The following LIAS variants were observed in gnomAD, a reference collection of about 807,000 sequenced individuals.
LIAS encodes the protein lipoic acid synthetase.
LIAS carries 36 observed loss-of-function variants against 49.4 expected under a neutral mutation model. That is an observed-to-expected ratio of 0.73 (90% CI 0.56 to 0.96). The LOEUF (loss-of-function observed/expected upper bound fraction) is 0.96. Among genes scored for constraint, LIAS ranks in the 40% least tolerant of loss-of-function variants. The pLI, the probability that LIAS is intolerant of heterozygous loss-of-function variation, is 0.00. For missense variants in LIAS, 399 were observed against 456.3 expected (o/e 0.87, Z 1.14); for synonymous variants, 145 against 155.8 (o/e 0.93, Z 0.52).
chr4:39,468,546 A>G (rs1056076579), intron 7 of LIAS: 6 of 144,320 alleles, frequency 4.2e-5, no homozygotes, highest in South Asian at 2.1e-4. Flanking sequence ...ATATATTCAT[A>G]TATATTTATA....
chr4:39,471,323 T>G lies in LIAS; in HGVS notation c.954+17T>G. On this transcript the variant is annotated intron_variant, in intron 9 of 10. Coordinates refer to ENST00000640888, the MANE Select transcript of LIAS (RefSeq NM_006859.4). The stretch of plus-strand genomic sequence containing the variant: ...CACCTTAAGGTACATGTATCTTGAT[T>G]TGCTTTTTTTTTTTTTTTTTATTTT... 1 of 1,547,416 alleles carries G rather than the reference T, an allele frequency of 6.5e-7. No individual in the cohort carries two copies. The highest frequency in any genetic ancestry group is 8.7e-7 in the Non-Finnish European group (1 of 1,146,746).
chr4:39,467,457 T>G, intron 6 of LIAS, 61 bp from the exon 7 acceptor site: 1 of 1,466,992 alleles, frequency 6.8e-7, no homozygotes, highest in African/African-American at 1.4e-5. Context: ...TAATTTCTAT[T>G]TTGAGGAACA....
chr4:39,472,205 A>T (rs1261878916), intron 9 of LIAS, among the ~76,000 whole-genome samples: 1 of 152,128 alleles, frequency 6.6e-6, no homozygotes. Flanking sequence ...TTTTGAAGAA[A>T]ATCATAAGGA....
intron 3 of LIAS, among the ~76,000 whole-genome samples, chr4:39,463,187 G>C (rs1744607370): frequency 6.6e-6 from 1 of 150,984 alleles, no homozygotes; most frequent in Non-Finnish European, 1.5e-5. Context: ...CCAGGCTCAA[G>C]TGATCCTCTC....
In LIAS at chr4:39,462,203, C is replaced by G; in HGVS notation, c.226C>G (p.Leu76Val). ...LKRQKGERLR[L>V]PPWLKTEIPM... ...ATGTTTGGCTTTCCTTAGGTTAAGACTACCTCCATGGCTAAAGACAGAGAT... is the reference window on the plus strand; with the variant it reads ...ATGTTTGGCTTTCCTTAGGTTAAGAGTACCTCCATGGCTAAAGACAGAGAT... The change falls in exon 3 of 11, where the codon CTA becomes GTA. Residue 76 changes from leucine to valine, a missense_variant. By Grantham distance (32) the Leu-to-Val change is conservative. Transcript: ENST00000640888. The G allele has an allele frequency of 6.5e-7, 1 of 1,529,564 alleles. No individual in the cohort carries two copies. Among genetic ancestry groups the G allele is most frequent in the Non-Finnish European group, 8.8e-7 (1 of 1,134,710 alleles). 94.7% of individuals were successfully genotyped at this position (1,529,564 alleles called of 1,614,324 possible).
chr4:39,460,940 C>T lies in LIAS; in HGVS notation c.196C>T (p.Leu66=). The T allele has an allele frequency of 6.3e-7, 1 of 1,596,130 alleles. No individual in the cohort carries two copies. Among genetic ancestry groups the T allele is most frequent in the Non-Finnish European group, 8.5e-7 (1 of 1,173,936 alleles). Reference sequence around the variant, plus strand: ...CACCTGGGATGAATATAAAGGAAACCTAAAACGCCAGAAAGGAGAAAGGTA... The same window carrying T: ...CACCTGGGATGAATATAAAGGAAACTTAAAACGCCAGAAAGGAGAAAGGTA... ...RSTWDEYKGN[L]KRQKGERLRL... The change falls in exon 2 of 11, where the codon CTA becomes TTA. Residue 66 remains leucine, a synonymous_variant. Transcript: ENST00000640888.
In LIAS at chr4:39,465,668, ATT is replaced by A. The variant is rs33977702; in HGVS notation, c.608+340_608+341del. On this transcript the variant is annotated intron_variant, in intron 6 of 10. Transcript: ENST00000640888. ...TATAAACCTGGTCTTCTTAGTAATG[ATT>A]TTTTTTTTTTTTTGAGATGGAGTCT... 2.0e-3 allele frequency among the ~76,000 whole-genome samples: 296 copies of A among 146,276 alleles called. 2 individuals carry two copies. The highest frequency in any genetic ancestry group is 6.1e-3 in the African/African-American group (241 of 39,702).
At chr4:39,470,704 G>A (rs1578242383) in intron 8 of LIAS, 1 of 157,120 alleles carries the variant, frequency 6.4e-6, no homozygotes, top group Admixed American at 6.0e-5. Context: ...AGGACCCTTG[G>A]ACTACTTGTA....
intron 3 of LIAS, 71 bp downstream of exon 3, chr4:39,462,360 T>G: frequency 1.9e-6 from 1 of 519,328 alleles, no homozygotes; most frequent in South Asian, 3.8e-5. Flanking sequence ...AACTTAAAAA[T>G]TATTAATAAA....
chr4:39,467,735 T>C, intron 7 of LIAS, 89 bp downstream of exon 7: 1 of 1,268,540 alleles, frequency 7.9e-7, no homozygotes, highest in South Asian at 2.5e-5. Context: ...AACTTTGCCA[T>C]TGACTTTTAC....
intron 7 of LIAS, chr4:39,468,887 GAAA>G (rs1302404918): frequency 8.2e-6 from 1 of 121,924 alleles, no homozygotes; most frequent in South Asian, 3.0e-4. Flanking sequence ...AAAAAAAAAA[GAAA>G]AAAACTCATA....
At position 39,460,956 on chromosome 4, in the gene LIAS, G is replaced by C; in HGVS notation, c.212G>C (p.Gly71Ala). The C allele has an allele frequency of 6.3e-7, 1 of 1,584,854 alleles. No individual in the cohort carries two copies. The change falls in exon 2 of 11, where the codon GGA becomes GCA. Residue 71 changes from glycine (G) to alanine (A), a missense_variant. Physicochemically the swap from Gly to Ala is moderately conservative, Grantham distance 60 (BLOSUM62 0). Transcript: ENST00000640888. ...AAAGGAAACCTAAAACGCCAGAAAG[G>C]AGAAAGGTAATTGAAAATTTGAGAT... is the stretch of plus-strand genomic sequence containing the variant. The part of the protein sequence containing the change: ...EYKGNLKRQK[G>A]ERLRLPPWLK...
intron 8 of LIAS, 116 bp from the exon 9 acceptor site, chr4:39,471,120 T>C (rs1230350635): frequency 1.1e-5 from 8 of 711,614 alleles, no homozygotes; most frequent in African/African-American, 1.8e-5. Context: ...TTCCCCAACA[T>C]GAAGATTATG....
chr4:39,471,587 G>A (rs2109885479), intron 9 of LIAS, among the ~76,000 whole-genome samples: 1 of 143,318 alleles, frequency 7.0e-6, no homozygotes, highest in East Asian at 2.0e-4. Context: ...AGTGCAGTGG[G>A]GCAATCTCGG....
chr4:39,467,110 G>C (rs1020529624), intron 6 of LIAS: 1 of 152,132 alleles, frequency 6.6e-6, no homozygotes, highest in Non-Finnish European at 1.5e-5. Context: ...CAAAATTAAA[G>C]CAATCAAATA....
At position 39,470,070 on chromosome 4, in the gene LIAS, A is replaced by G. The variant is rs1234796638; in HGVS notation, c.789A>G (p.Lys263=). Residue 263 remains lysine, a synonymous_variant, in exon 8 of 11, where the codon AAA becomes AAG. Transcript: ENST00000640888. ...TTGATCAGTCCCTACGTGTACTGAA[A>G]CATGCCAAGAAGGTTCAGCCTGATG... is the stretch of plus-strand genomic sequence containing the variant. ...ANFDQSLRVL[K]HAKKVQPDVI... 1.2e-6 allele frequency: 2 copies of G among 1,614,062 alleles called. No individual in the cohort carries two copies. The highest frequency in any genetic ancestry group is 3.3e-5 in the Admixed American group (2 of 60,020).
chr4:39,465,580 C>A (rs1288023343), intron 6 of LIAS, among the ~76,000 whole-genome samples: 1 of 152,138 alleles, frequency 6.6e-6, no homozygotes, highest in East Asian at 1.9e-4. Flanking sequence ...GACCTTTAGC[C>A]CATAGAATCC....
intron 6 of LIAS, 83 bp from the exon 7 acceptor site, chr4:39,467,435 A>G (rs995990293): frequency 2.9e-6 from 4 of 1,370,242 alleles, no homozygotes; most frequent in Non-Finnish European, 3.9e-6. Context: ...AAGCATACTG[A>G]ACGATTACTG....
intron 10 of LIAS, chr4:39,476,674 G>A (rs1365549609): frequency 1.2e-5 from 2 of 165,366 alleles, no homozygotes. Context: ...ATAAACATCA[G>A]ATCCAGCCTA....
Sources: gnomAD v4.1 joint callset for allele counts (sites outside exome capture counted in the v4.1 genomes callset) on GRCh38, gnomAD v4.1.1 for gene constraint, MANE v1.5 for transcripts, NCBI Gene and HGNC (gene_info 2026-07-23, HGNC 2026-07-21) for gene names.